KLF13: variants seen among roughly 807,000 people sequenced by gnomAD.
KLF13 encodes Krueppel-like factor 13.
KLF13 carries 8 observed loss-of-function variants against 16.7 expected under a neutral mutation model. The observed-to-expected ratio is 0.48, with a 90% CI of 0.28 to 0.87. The LOEUF (loss-of-function observed/expected upper bound fraction) is 0.87. Ranked by LOEUF, KLF13 falls within the 40% of genes least tolerant of loss-of-function variation. KLF13 has a pLI of 0.10. For synonymous variants in KLF13, 245 were observed against 208.4 expected (o/e 1.18, Z -1.51); for missense variants, 447 against 452.2 (o/e 0.99, Z 0.10).
intron 1 of KLF13, among the ~76,000 whole-genome samples, chr15:31,358,544 A>G (rs1243092660): frequency 6.6e-6 from 1 of 152,312 alleles, no homozygotes; most frequent in South Asian, 2.1e-4. Flanking sequence ...CCATCTCTCT[A>G]TCTTCTTTGG....
downstream of KLF13, among the ~76,000 whole-genome samples, chr15:31,381,653 G>A (rs182833120): frequency 2.9e-4 from 44 of 152,320 alleles, no homozygotes; most frequent in Admixed American, 1.2e-3. Flanking sequence ...CCTAGTGGAA[G>A]GAGCCTGCAT....
At chr15:31,332,268 A>G (rs749489515) in intron 1 of KLF13, among the ~76,000 whole-genome samples, 15 of 152,216 alleles carry the variant, frequency 9.9e-5, no homozygotes, top group Non-Finnish European at 1.5e-4. Flanking sequence ...GGAGAGACCT[A>G]TTGTGTCACG....
At chr15:31,419,795 T>C (rs2040299865) in intron 1 of KLF13, among the ~76,000 whole-genome samples, 1 of 152,028 alleles carries the variant, frequency 6.6e-6, no homozygotes, top group Non-Finnish European at 1.5e-5. Context: ...AGGAAGAAAA[T>C]GGACATCCAA....
At chr15:31,429,332 A>G (rs2040440604) in intron 1 of KLF13, among the ~76,000 whole-genome samples, 1 of 152,246 alleles carries the variant, frequency 6.6e-6, no homozygotes, top group African/African-American at 2.4e-5. Flanking sequence ...TAAGCCAGAT[A>G]CAAAAGGGCA....
At chr15:31,383,325 A>G (rs1279790046) in intron 1 of KLF13, among the ~76,000 whole-genome samples, 1 of 152,174 alleles carries the variant, frequency 6.6e-6, no homozygotes, top group African/African-American at 2.4e-5. Flanking sequence ...GTGCTCTCCC[A>G]CCGTGGCCCA....
At chr15:31,337,843 C>G (rs1418205741) in intron 1 of KLF13, among the ~76,000 whole-genome samples, 1 of 152,232 alleles carries the variant, frequency 6.6e-6, no homozygotes, top group Admixed American at 6.5e-5. Context: ...CCTAAGGTGC[C>G]AGGGCATTCT....
At chr15:31,351,382 C>T (rs1296480831) in intron 1 of KLF13, among the ~76,000 whole-genome samples, 1 of 152,194 alleles carries the variant, frequency 6.6e-6, no homozygotes, top group Non-Finnish European at 1.5e-5. Flanking sequence ...GGGATCATTC[C>T]ATACAAGTCA....
At chr15:31,424,057 A>G (rs2040374291) in intron 1 of KLF13, among the ~76,000 whole-genome samples, 1 of 152,202 alleles carries the variant, frequency 6.6e-6, no homozygotes, top group Admixed American at 6.5e-5. Context: ...AAAAATCTGA[A>G]CAGATTTAAA....
rs899179809 is a variant in KLF13, at chr15:31,419,823, G to A, written n.118-15547G>A. Among the ~76,000 whole-genome samples, 3 of 152,124 alleles carry A rather than the reference G, an allele frequency of 2.0e-5. No homozygotes were observed. In the South Asian group the frequency reaches 6.2e-4, roughly 32 times the overall value. Reference sequence around the variant, plus strand: ...ACATCCAAATTCTAGAAGCTCGAAGGATGCTGACAAAGAAGAACCCAAAGA... The same window carrying A: ...ACATCCAAATTCTAGAAGCTCGAAGAATGCTGACAAAGAAGAACCCAAAGA... On this transcript the variant is annotated intron_variant and non_coding_transcript_variant, in intron 1 of 1. Transcript: ENST00000558225.
intron 1 of KLF13, among the ~76,000 whole-genome samples, chr15:31,356,174 C>G (rs1033655045): frequency 6.6e-6 from 1 of 152,140 alleles, no homozygotes; most frequent in African/African-American, 2.4e-5. Context: ...AGTCTTTCAC[C>G]CTCCTCCCTC....
chr15:31,350,532 C>T (rs2039200241), intron 1 of KLF13, among the ~76,000 whole-genome samples: 1 of 152,214 alleles, frequency 6.6e-6, no homozygotes, highest in Non-Finnish European at 1.5e-5. Context: ...AAATTATGCC[C>T]CTGCAGGGTT....
At chr15:31,432,341 C>G (rs2040483003) in intron 1 of KLF13, among the ~76,000 whole-genome samples, 1 of 152,120 alleles carries the variant, frequency 6.6e-6, no homozygotes, top group African/African-American at 2.4e-5. Context: ...CCGGGCCACA[C>G]CTTCTCCTAT....
At chr15:31,357,235 A>G (rs1238243618) in intron 1 of KLF13, among the ~76,000 whole-genome samples, 1 of 152,208 alleles carries the variant, frequency 6.6e-6, no homozygotes, top group East Asian at 1.9e-4. Flanking sequence ...TGTTTCCGCC[A>G]GGCCGTCTAT....
At chr15:31,331,473 T>G (rs994950759) in intron 1 of KLF13, among the ~76,000 whole-genome samples, 1 of 152,200 alleles carries the variant, frequency 6.6e-6, no homozygotes, top group African/African-American at 2.4e-5. Context: ...TTTAGAGACT[T>G]GTTTCCAAGC....
chr15:31,418,177 A>G (rs1445744084), intron 1 of KLF13, among the ~76,000 whole-genome samples: 1 of 152,200 alleles, frequency 6.6e-6, no homozygotes, highest in Non-Finnish European at 1.5e-5. Context: ...CTCTCCATAT[A>G]CTGTATATCA....
At position 31,413,098 on chromosome 15, in the gene KLF13, C is replaced by T. The variant is rs542672287; in HGVS notation, n.117+19407C>T. Among the ~76,000 whole-genome samples the T allele has an allele frequency of 3.3e-5, 5 of 149,562 alleles. No individual in the cohort carries two copies. The South Asian group carries it at 1.1e-3, about 32-fold the overall frequency. On this transcript the variant is annotated intron_variant and non_coding_transcript_variant, in intron 1 of 1. Transcript: ENST00000558225. ...CATTGAGCAATTAGTGGTTTCACAT[C>T]TGGATGTGGCCAGAGACAGAAAGAG...
At chr15:31,333,884 A>G (rs1811767920) in intron 1 of KLF13, among the ~76,000 whole-genome samples, 1 of 152,198 alleles carries the variant, frequency 6.6e-6, no homozygotes, top group African/African-American at 2.4e-5. Flanking sequence ...TCCCGTGATC[A>G]GGTCTGGTTT....
chr15:31,405,300 C>T (rs2040109094), downstream of KLF13, among the ~76,000 whole-genome samples: 1 of 152,086 alleles, frequency 6.6e-6, no homozygotes, highest in South Asian at 2.1e-4. Context: ...GCCAACAAAA[C>T]GAGACTCCGT....
At chr15:31,341,295 G>C (rs1283830638) in intron 1 of KLF13, among the ~76,000 whole-genome samples, 1 of 152,152 alleles carries the variant, frequency 6.6e-6, no homozygotes, top group African/African-American at 2.4e-5. Flanking sequence ...GGAGCAGAGG[G>C]GTAGAATGTG....
Sources: gnomAD v4.1 joint callset for allele counts (sites outside exome capture counted in the v4.1 genomes callset) on GRCh38, gnomAD v4.1.1 for gene constraint, MANE v1.5 for transcripts, NCBI Gene and HGNC (gene_info 2026-07-23, HGNC 2026-07-21) for gene names.